The following TTN variants were observed in gnomAD, a reference collection of about 807,000 sequenced individuals.
The protein encoded by TTN is connectin.
A neutral mutation model predicts 3,223.0 loss-of-function variants in TTN; 1,525 were observed. The ratio of observed to expected loss-of-function variants is 0.47; its 90% confidence interval spans 0.45 to 0.49. The LOEUF is 0.49. Among genes scored for constraint, TTN ranks in the 20% least tolerant of loss-of-function variants. The pLI is 0.00. For missense variants in TTN, 40,786 were observed against 43,424.0 expected, an observed-to-expected ratio of 0.94 and a Z score of 5.40; for synonymous variants, 14,094 against 15,161.0, an observed-to-expected ratio of 0.93 and a Z score of 5.17.
At chr2:178,692,467 G>T (rs1316899373) in intron 120 of TTN, 30 bp downstream of exon 120, 8 of 1,536,586 alleles carry the variant, frequency 5.2e-6, no homozygotes, top group Non-Finnish European at 7.1e-6. Flanking sequence ...TGGATGCTAA[G>T]AATTATTTTT....
In TTN at chr2:178,531,525, G is replaced by T. The variant is rs72629789; in HGVS notation, c.105090C>A (p.Asp35030Glu). 1 of 1,613,884 alleles carries T rather than the reference G, an allele frequency of 6.2e-7. No individual in the cohort carries two copies. The highest frequency in any genetic ancestry group is 1.1e-5 in the South Asian group (1 of 91,072). ...AGGTGGTATAATCCCCTCCTGTCAC[G>T]TCCAACGTTGCATAGTCAGAAGCTT... is the stretch of plus-strand genomic sequence containing the variant. The part of the protein sequence containing the change: ...KGEASDYATL[D>E]VTGGDYTTYA... The change falls in exon 358 of 363, where the codon GAC (aspartate) becomes GAA (glutamate). Residue 35030 changes from aspartate to glutamate, a missense_variant. Asp to Glu is a conservative substitution (Grantham distance 45, BLOSUM62 2). Coordinates refer to ENST00000589042, the MANE Select transcript of TTN (RefSeq NM_001267550.2).
In TTN at chr2:178,554,760, T is replaced by C. The variant is rs775537214; in HGVS notation, c.88595-8A>G. On this transcript the variant is annotated splice_polypyrimidine_tract_variant and splice_region_variant and intron_variant, in intron 331 of 362. Coordinates refer to ENST00000589042, the MANE Select transcript of TTN (RefSeq NM_001267550.2). ...CAGGTGGGCCTGGTTTGTCTATCAG[T>C]GAAAGGACAAAACACGATGTTAGTA... The C allele has an allele frequency of 6.2e-7, 1 of 1,612,996 alleles. No homozygotes were observed. Among genetic ancestry groups the C allele is most frequent in the Admixed American group, 1.7e-5 (1 of 59,746 alleles).
At chr2:178,738,594 A>C (rs2081941660) in intron 48 of TTN, among the ~76,000 whole-genome samples, 1 of 152,170 alleles carries the variant, frequency 6.6e-6, no homozygotes, top group South Asian at 2.1e-4. Context: ...GTGAATTGTG[A>C]AAAAATGTGA....
chr2:178,686,184 G>C (rs1181835408), intron 127 of TTN, among the ~76,000 whole-genome samples: 46 of 138,694 alleles, frequency 3.3e-4, no homozygotes, highest in Non-Finnish European at 4.1e-4. Flanking sequence ...GCAGTGGCGG[G>C]ATCTCGGCTC....
Position 178,777,522 on chromosome 2 carries a change from G to C in TTN, c.4543C>G (p.Leu1515Val). The C allele has an allele frequency of 6.2e-7, 1 of 1,613,900 alleles. No individual in the cohort carries two copies. Among genetic ancestry groups the C allele is most frequent in the Non-Finnish European group, 8.5e-7 (1 of 1,179,936 alleles). ...VVIKEDGTQSLIIVPATPSDS... is the reference protein window; with the variant it reads ...VVIKEDGTQSVIIVPATPSDS... ...CTGGGTGTGGCAGGGACAATAATTA[G>C]TGATTGAGTACCATCTTCTTTAATG... Residue 1515 changes from leucine (L) to valine (V), a missense_variant, in exon 26 of 363, where the codon CTA becomes GTA. By Grantham distance (32) the Leu-to-Val change is conservative. Coordinates refer to ENST00000589042, the MANE Select transcript of TTN (RefSeq NM_001267550.2).
chr2:178,773,079 G>C (rs368320232), intron 33 of TTN, 30 bp downstream of exon 33: 1 of 1,612,878 alleles, frequency 6.2e-7, no homozygotes, highest in African/African-American at 1.3e-5. Flanking sequence ...ATCACTCCTC[G>C]TAAGAATTTA....
chr2:178,620,943 G>A lies in TTN; in HGVS notation c.45667C>T (p.Gln15223Ter). The A allele has an allele frequency of 6.2e-7, 1 of 1,612,274 alleles. No individual in the cohort carries two copies. Among genetic ancestry groups the A allele is most frequent in the Non-Finnish European group, 8.5e-7 (1 of 1,179,124 alleles). ...PLKDTRVKEQ[Q>*]EVVFNCEVNT... ...ACTTCACAGTTGAAGACAACTTCCTGTTGTTCCTTCACCCGGGTGTCCTTA... is the reference window on the plus strand; with the variant it reads ...ACTTCACAGTTGAAGACAACTTCCTATTGTTCCTTCACCCGGGTGTCCTTA... The change falls in exon 247 of 363, where the codon CAG becomes TAG. Residue 15223 changes from glutamine (Q) to a stop codon, truncating the protein, a stop_gained. Coordinates refer to ENST00000589042, the MANE Select transcript of TTN (RefSeq NM_001267550.2). LOFTEE classifies it high-confidence loss of function.
intron 41 of TTN, 136 bp from the exon 42 acceptor site, chr2:178,764,947 C>A: frequency 1.1e-6 from 1 of 916,406 alleles, no homozygotes; most frequent in South Asian, 1.7e-5. Flanking sequence ...TTTTTACTTG[C>A]CTCAGAATAT....
intron 8 of TTN, 97 bp downstream of exon 8, chr2:178,794,302 G>T: frequency 6.4e-7 from 1 of 1,562,406 alleles, no homozygotes; most frequent in South Asian, 1.1e-5. Flanking sequence ...AGAATGAATT[G>T]AGCACAGCTG....
rs2053521560 is a variant in TTN, at chr2:178,601,793, C to A, written c.55303-6G>T. On this transcript the variant is annotated splice_polypyrimidine_tract_variant and splice_region_variant and intron_variant, in intron 285 of 362. Coordinates refer to ENST00000589042, the MANE Select transcript of TTN (RefSeq NM_001267550.2). ...GAGTTTTCAGCAGTCTCCAGCTGTA[C>A]AAAGAAAATAGTAGTCATACATTGA... 6.2e-7 allele frequency: 1 copy of A among 1,601,190 alleles called. No homozygotes were observed. The highest frequency in any genetic ancestry group is 8.5e-7 in the Non-Finnish European group (1 of 1,175,316).
Position 178,534,734 on chromosome 2 carries a change from C to T in TTN, c.101881G>A (p.Gly33961Ser), listed in dbSNP as rs775256517. ...CCTGGTTTCAGCTGACGGGCTTGAC[C>T]AAATTCTATGATTTTAATGGTAGAG... is the stretch of plus-strand genomic sequence containing the variant. ...RSSTIKIIEF[G>S]QARQLKPGDN... The change falls in exon 358 of 363, where the codon GGT becomes AGT. Residue 33961 changes from glycine (G) to serine (S), a missense_variant. Gly to Ser is a moderately conservative substitution (Grantham distance 56, BLOSUM62 0). Coordinates refer to ENST00000589042, the MANE Select transcript of TTN (RefSeq NM_001267550.2). 1.2e-6 allele frequency: 2 copies of T among 1,613,798 alleles called. No individual in the cohort carries two copies. The highest frequency in any genetic ancestry group is 2.2e-5 in the East Asian group (1 of 44,876).
rs71393436 is a variant in TTN at position 178,713,381 on chromosome 2, T to TACAAAACAAA, written c.26762-19_26762-10dup. 3.9e-3 allele frequency: 5,712 copies of TACAAAACAAA among 1,468,934 alleles called. 71 individuals carry two copies. The African/African-American group carries it at 0.044, about 11-fold the overall frequency. 91.0% of individuals were successfully genotyped at this position (1,468,934 alleles called of 1,614,324 possible). A position where few individuals can be genotyped will look rare whatever the true frequency, so the allele number is the denominator to read the frequency against. On this transcript the variant is annotated splice_polypyrimidine_tract_variant and intron_variant, in intron 92 of 362. Transcript: ENST00000589042. ...AGGAGGAACGGTTCGGTCTGAATGA[T>TACAAAACAAA]ACAAAACAAAACAAAACAAAACAAA... is the stretch of plus-strand genomic sequence containing the variant.
chr2:178,623,665 T>A (rs965981233), intron 242 of TTN, among the ~76,000 whole-genome samples: 4 of 151,858 alleles, frequency 2.6e-5, no homozygotes, highest in Admixed American at 6.6e-5. Context: ...AAAAACATGG[T>A]ACAAGATGCA....
At position 178,564,651 on chromosome 2, in the gene TTN, C is replaced by G; in HGVS notation, c.81481G>C (p.Val27161Leu). 6.2e-7 allele frequency: 1 copy of G among 1,613,534 alleles called. No individual in the cohort carries two copies. Among genetic ancestry groups the G allele is most frequent in the Non-Finnish European group, 8.5e-7 (1 of 1,179,694 alleles). The change falls in exon 326 of 363, where the codon GTG (valine) becomes CTG (leucine). Residue 27161 changes from valine to leucine, a missense_variant. Coordinates refer to ENST00000589042, the MANE Select transcript of TTN (RefSeq NM_001267550.2). ...NIVGIGKPSK[V>L]SECFVARDPC... ...TCACGAGCAACAAAGCATTCTGACACTTTGCTAGGCTTGCCAATGCCAACA... is the reference window on the plus strand; with the variant it reads ...TCACGAGCAACAAAGCATTCTGACAGTTTGCTAGGCTTGCCAATGCCAACA...
chr2:178,652,934 T>TA lies in TTN; in HGVS notation c.38876-4dup. On this transcript the variant is annotated splice_polypyrimidine_tract_variant and splice_region_variant and intron_variant, in intron 199 of 362. Coordinates refer to ENST00000589042, the MANE Select transcript of TTN (RefSeq NM_001267550.2). ...AACCTCTATGGGAGCCTCTGGCACT[T>TA]AAAAGATATTAGTGAAATTACATTT... The TA allele has an allele frequency of 6.2e-7, 1 of 1,604,008 alleles. No individual in the cohort carries two copies. Among genetic ancestry groups the TA allele is most frequent in the Non-Finnish European group, 8.5e-7 (1 of 1,177,018 alleles).
intron 102 of TTN, among the ~76,000 whole-genome samples, chr2:178,705,637 TA>T (rs2075744722): frequency 6.6e-6 from 1 of 152,080 alleles, no homozygotes; most frequent in South Asian, 2.1e-4. Flanking sequence ...GTAAACTTTA[TA>T]ACCAAAGAGC....
chr2:178,805,169 C>G (rs1269043958), intron 1 of TTN, among the ~76,000 whole-genome samples: 2 of 151,780 alleles, frequency 1.3e-5, no homozygotes, highest in East Asian at 3.9e-4. Context: ...ATGGTGAAAC[C>G]CCTGTCTCTA....
intron 49 of TTN, among the ~76,000 whole-genome samples, chr2:178,736,714 T>A (rs1435219648): frequency 2.6e-5 from 4 of 152,224 alleles, no homozygotes; most frequent in African/African-American, 9.6e-5. Context: ...GAAGCTTCAA[T>A]ATTAGTCGCA....
intron 20 of TTN, among the ~76,000 whole-genome samples, chr2:178,781,970 C>T (rs959578993): frequency 5.9e-5 from 9 of 151,810 alleles, no homozygotes; most frequent in Non-Finnish European, 1.0e-4. Context: ...TCTACTTTCA[C>T]AAACTCAATG....
Sources: allele counts gnomAD v4.1 joint callset (sites outside exome capture counted in the v4.1 genomes callset), GRCh38; gene constraint gnomAD v4.1.1; transcripts MANE v1.5; gene names NCBI Gene and HGNC (gene_info 2026-07-23, HGNC 2026-07-21).